Variants in NAV2 observed in about 807,000 individuals in gnomAD.
The protein encoded by NAV2 is neuron navigator 2.
In NAV2, 54 loss-of-function variants were observed where a neutral mutation model predicts 223.2. The observed-to-expected ratio is 0.24, with a 90% CI of 0.19 to 0.30. The LOEUF (loss-of-function observed/expected upper bound fraction) is 0.30. NAV2 is among the 10% of genes least tolerant of loss of function. NAV2 has a pLI of 1.00. For synonymous variants in NAV2, 1,279 were observed against 1,239.3 expected (o/e 1.03, Z -0.67); for missense variants, 2,806 against 3,147.5 (o/e 0.89, Z 2.60).
chr11:20,051,429 T>C, intron 17 of NAV2, 96 bp downstream of exon 17: 1 of 1,183,500 alleles, frequency 8.4e-7, no homozygotes, highest in Non-Finnish European at 1.3e-6. Context: ...TGGGCTGGGC[T>C]GGGGTCCCCG....
intron 1 of NAV2, among the ~76,000 whole-genome samples, chr11:19,507,630 G>A (rs1025338470): frequency 6.6e-6 from 1 of 152,148 alleles, no homozygotes; most frequent in African/African-American, 2.4e-5. Context: ...TGAAAATAAA[G>A]GATGTGAAAT....
intron 1 of NAV2, among the ~76,000 whole-genome samples, chr11:19,452,865 G>A (rs563282976): frequency 9.9e-5 from 15 of 152,192 alleles, no homozygotes; most frequent in Admixed American, 5.9e-4. Context: ...TCTGTATTTC[G>A]ACTTTCATAA....
At position 19,392,938 on chromosome 11, in the gene NAV2, G is replaced by T. The variant is rs963316983; in HGVS notation, c.75+41911G>T. Among the ~76,000 whole-genome samples, 6 of 152,198 alleles carry T rather than the reference G, an allele frequency of 3.9e-5. No individual in the cohort carries two copies. The East Asian group carries it at 5.8e-4, about 15-fold the overall frequency. On this transcript the variant is annotated intron_variant, in intron 1 of 37. Transcript: ENST00000360655. ...GATACGTGACTTGCTCAGATTCCCA[G>T]TGAGTGCCAGAGCAGGGATTTGAAC...
At chr11:19,686,461 G>A (rs756661409) in intron 1 of NAV2, among the ~76,000 whole-genome samples, 2 of 152,130 alleles carry the variant, frequency 1.3e-5, no homozygotes, top group African/African-American at 2.4e-5. Context: ...TCTCAGGGTG[G>A]CTCACAGGGA....
At chr11:19,624,755 C>T (rs1019087603) in intron 1 of NAV2, among the ~76,000 whole-genome samples, 1 of 121,832 alleles carries the variant, frequency 8.2e-6, no homozygotes, top group Non-Finnish European at 1.5e-5. Context: ...GAGCTGCACC[C>T]ACTGTCCTGC....
intron 1 of NAV2, among the ~76,000 whole-genome samples, chr11:19,757,710 A>G (rs907639426): frequency 1.3e-5 from 2 of 152,146 alleles, no homozygotes; most frequent in Admixed American, 1.3e-4. Context: ...GCTTACACTT[A>G]TTGAGGGTAT....
chr11:19,748,101 G>C (rs748365642), intron 1 of NAV2, among the ~76,000 whole-genome samples: 1 of 152,240 alleles, frequency 6.6e-6, no homozygotes, highest in Non-Finnish European at 1.5e-5. Context: ...CTCTGAGGCT[G>C]TGGGCAGTGC....
At chr11:19,776,811 A>C (rs1282325910) in intron 1 of NAV2, among the ~76,000 whole-genome samples, 3 of 151,828 alleles carry the variant, frequency 2.0e-5, no homozygotes, top group Non-Finnish European at 4.4e-5. Context: ...GCGCATAGTG[A>C]GGCGCCGGCT....
chr11:19,746,227 G>A (rs1319737440), intron 1 of NAV2, among the ~76,000 whole-genome samples: 1 of 152,168 alleles, frequency 6.6e-6, no homozygotes, highest in African/African-American at 2.4e-5. Context: ...TCTCATATGT[G>A]TGGCATTGCA....
chr11:19,364,241 C>T (rs1055809214), intron 1 of NAV2, among the ~76,000 whole-genome samples: 1 of 152,332 alleles, frequency 6.6e-6, no homozygotes, highest in Non-Finnish European at 1.5e-5. Context: ...ACTCCTATCA[C>T]TCAGGAAATT....
chr11:19,957,588 TGGACCCACTTGATGTACTGAGTGCA>T (rs2047986462), intron 10 of NAV2, among the ~76,000 whole-genome samples: 1 of 152,182 alleles, frequency 6.6e-6, no homozygotes, highest in East Asian at 1.9e-4. Flanking sequence ...CCCTCCACGG[TGGACCCACTTGATGTACTGAGTGCA>T]GGAAACCTAC....
chr11:19,357,211 C>T lies in NAV2; in HGVS notation c.75+6184C>T, dbSNP rs140296432. 6.1e-3 allele frequency among the ~76,000 whole-genome samples: 930 copies of T among 152,224 alleles called. 2 individuals are homozygous for T. Among genetic ancestry groups the T allele is most frequent in the African/African-American group, 0.021 (863 of 41,544 alleles). ...ACATTTGTTAAAGCCCTTTTACTTA[C>T]CTGATCTCTTTAGACTTAATTTTAT... On this transcript the variant is annotated intron_variant, in intron 1 of 37. Transcript: ENST00000360655.
chr11:19,681,005 C>A (rs542843210), intron 1 of NAV2, among the ~76,000 whole-genome samples: 3 of 152,348 alleles, frequency 2.0e-5, no homozygotes, highest in African/African-American at 7.2e-5. Flanking sequence ...CTGTTCTAAG[C>A]ATTTTACATT....
chr11:19,885,179 G>C (rs1301085326), intron 5 of NAV2, among the ~76,000 whole-genome samples: 1 of 152,148 alleles, frequency 6.6e-6, no homozygotes, highest in Non-Finnish European at 1.5e-5. Flanking sequence ...GGCTTCATGA[G>C]GTAGGTCATA....
intron 11 of NAV2, among the ~76,000 whole-genome samples, chr11:19,996,757 C>T (rs1208795232): frequency 6.6e-6 from 1 of 152,168 alleles, no homozygotes; most frequent in Non-Finnish European, 1.5e-5. Context: ...TATTTTCGCT[C>T]GTCCACTGTG....
chr11:19,355,105 A>G (rs754664771), intron 1 of NAV2, among the ~76,000 whole-genome samples: 3 of 152,220 alleles, frequency 2.0e-5, no homozygotes, highest in Non-Finnish European at 4.4e-5. Flanking sequence ...AGATTGGCGA[A>G]GTAAAATTTT....
intron 8 of NAV2, 85 bp from the exon 9 acceptor site, chr11:19,946,316 G>A: frequency 1.6e-6 from 2 of 1,221,498 alleles, no homozygotes; most frequent in South Asian, 3.0e-5. Context: ...ATGGAATATG[G>A]TTATGGTCAT....
chr11:19,993,104 T>C (rs920030103), intron 11 of NAV2, among the ~76,000 whole-genome samples: 1 of 152,194 alleles, frequency 6.6e-6, no homozygotes, highest in Non-Finnish European at 1.5e-5. Flanking sequence ...AGTCAGAATT[T>C]GACTATATCT....
chr11:19,356,265 T>C (rs920760257), intron 1 of NAV2, among the ~76,000 whole-genome samples: 15 of 152,022 alleles, frequency 9.9e-5, no homozygotes, highest in African/African-American at 2.7e-4. Context: ...CTGACTCAGG[T>C]ATAGGGTCAG....
Sources: allele counts gnomAD v4.1 joint callset (sites outside exome capture counted in the v4.1 genomes callset), GRCh38; gene constraint gnomAD v4.1.1; transcripts MANE v1.5; gene names NCBI Gene and HGNC (gene_info 2026-07-23, HGNC 2026-07-21).